Variants in ARPP21 observed in about 807,000 individuals in gnomAD.
The protein encoded by ARPP21 is cAMP regulated phosphoprotein 21.
Under a neutral mutation model 113.2 loss-of-function variants are expected in ARPP21, and 69 were observed. The ratio of observed to expected loss-of-function variants is 0.61; its 90% confidence interval spans 0.50 to 0.74. The LOEUF (loss-of-function observed/expected upper bound fraction) is 0.74, where lower values mean the gene tolerates loss of function less well. ARPP21 is among the 30% of genes least tolerant of loss of function. The pLI is 0.00. For missense variants in ARPP21, 1,070 were observed against 1,037.4 expected, an observed-to-expected ratio of 1.03 and a Z score of -0.43; for synonymous variants, 368 against 375.5, an observed-to-expected ratio of 0.98 and a Z score of 0.23.
intron 19 of ARPP21, among the ~76,000 whole-genome samples, chr3:35,770,949 C>A (rs947618076): frequency 1.3e-5 from 2 of 152,150 alleles, no homozygotes; most frequent in Non-Finnish European, 2.9e-5. Flanking sequence ...GGACAATACT[C>A]ATCAATATTG....
Position 35,687,860 on chromosome 3 carries a change from C to T in ARPP21, c.383C>T (p.Pro128Leu). The T allele has an allele frequency of 6.3e-7, 1 of 1,588,340 alleles. No homozygotes were observed. Among genetic ancestry groups the T allele is most frequent in the African/African-American group, 1.4e-5 (1 of 72,664 alleles). Residue 128 changes from proline (P) to leucine (L), a missense_variant, in exon 6 of 21, where the codon CCC (proline) becomes CTC (leucine). Physicochemically the swap from Pro to Leu is moderately conservative, Grantham distance 98. Transcript: ENST00000684406. ...AACAAAGATAAAACCTCTGAAAAAC[C>T]CAAGATCAGAATGTTATCAAAAGGT... ...DKNKDKTSEK[P>L]KIRMLSKDCS...
chr3:35,782,329 C>T (rs867484534), intron 19 of ARPP21, among the ~76,000 whole-genome samples: 7 of 152,194 alleles, frequency 4.6e-5, no homozygotes, highest in African/African-American at 1.7e-4. Flanking sequence ...CCAAGTCTTC[C>T]CTGGGTTATT....
chr3:35,687,978 C>A, intron 6 of ARPP21, 95 bp downstream of exon 6: 1 of 1,138,318 alleles, frequency 8.8e-7, no homozygotes, highest in Non-Finnish European at 1.3e-6. Context: ...CACCTCCCAC[C>A]AAACCCTGCA....
In ARPP21 at chr3:35,717,352, C is replaced by G. The variant is rs139185498; in HGVS notation, c.990C>G (p.Leu330=). The change falls in exon 13 of 21, where the codon CTC becomes CTG. Residue 330 remains leucine, a synonymous_variant. Transcript: ENST00000684406. The part of the protein sequence containing the change: ...ICNETYKKRQ[L]FRGNRDGSGR... ...ATGAGACCTATAAGAAAAGACAGCT[C>G]TTTCGGTTGGTATGGTTTACTTTCT... 2.4e-3 allele frequency: 3,874 copies of G among 1,597,296 alleles called. 21 individuals carry two copies. The highest frequency in any genetic ancestry group is 2.4e-3 in the Non-Finnish European group (2,758 of 1,165,198).
At chr3:35,791,066 G>A (rs1047738427) in intron 19 of ARPP21, among the ~76,000 whole-genome samples, 4 of 152,124 alleles carry the variant, frequency 2.6e-5, no homozygotes, top group Non-Finnish European at 5.9e-5. Context: ...CTAATTCAGT[G>A]ACTATTTGCA....
Position 35,713,418 on chromosome 3 carries a change from GA to G in ARPP21, c.898-2020del, listed in dbSNP as rs572706305. ...TAAGGTATTTTTTTTTTATTTTTTT[GA>G]GACAAAGTCCCTGTCACCTAGGTTG... is the stretch of plus-strand genomic sequence containing the variant. On this transcript the variant is annotated intron_variant, in intron 11 of 20. Transcript: ENST00000684406. 8.0e-5 allele frequency among the ~76,000 whole-genome samples: 12 copies of G among 150,420 alleles called. No individual in the cohort carries two copies. The South Asian group carries it at 2.5e-3, about 32-fold the overall frequency.
At chr3:35,655,260 T>A (rs1053404613) in intron 1 of ARPP21, among the ~76,000 whole-genome samples, 1 of 151,976 alleles carries the variant, frequency 6.6e-6, no homozygotes, top group East Asian at 1.9e-4. Context: ...GATATCTACA[T>A]TTATATATGT....
chr3:35,706,942 T>C (rs1559687549), intron 9 of ARPP21, 32 bp from the exon 10 acceptor site: 1 of 1,554,986 alleles, frequency 6.4e-7, no homozygotes, highest in Admixed American at 1.9e-5. Flanking sequence ...GGGGAAAAAC[T>C]TTTTTATTGA....
At chr3:35,762,116 TCTCTCTCTCTCACACACA>T (rs1412593799) in intron 19 of ARPP21, among the ~76,000 whole-genome samples, 3 of 145,822 alleles carry the variant, frequency 2.1e-5, no homozygotes, top group African/African-American at 7.8e-5. Flanking sequence ...TCTCTCTCTC[TCTCTCTCTCTCACACACA>T]CACACACACA....
chr3:35,774,803 G>T (rs1240954864), intron 19 of ARPP21: 1 of 152,144 alleles, frequency 6.6e-6, no homozygotes, highest in Non-Finnish European at 1.5e-5. Flanking sequence ...TTTGTATGTG[G>T]CTAGGTACAG....
intron 1 of ARPP21, chr3:35,641,514 T>G (rs919820939): frequency 2.8e-5 from 2 of 70,526 alleles, no homozygotes; most frequent in Non-Finnish European, 5.9e-5. Flanking sequence ...GGCTTAAATA[T>G]CTTAAGATTT....
chr3:35,774,847 A>G (rs2096307904), intron 19 of ARPP21: 1 of 152,158 alleles, frequency 6.6e-6, no homozygotes. Flanking sequence ...CTTTTATCAA[A>G]TCTTTGATGT....
chr3:35,699,297 GCAGGAGAAT>G (rs1428933336), intron 9 of ARPP21, among the ~76,000 whole-genome samples: 2 of 151,580 alleles, frequency 1.3e-5, no homozygotes, highest in Non-Finnish European at 3.0e-5. Context: ...CTTGCTATAG[GCAGGAGAAT>G]TATGCCCAGT....
At chr3:35,748,105 A>AGAAAGAAG in intron 19 of ARPP21, among the ~76,000 whole-genome samples, 2 of 136,658 alleles carry the variant, frequency 1.5e-5, no homozygotes. Context: ...AAAGAAAGAA[A>AGAAAGAAG]GAAAGAAGAA....
At chr3:35,696,287 A>G (rs1197857955) in intron 9 of ARPP21, among the ~76,000 whole-genome samples, 1 of 151,604 alleles carries the variant, frequency 6.6e-6, no homozygotes, top group Non-Finnish European at 1.5e-5. Context: ...TCATTTGGGA[A>G]ACAGTTCAAG....
chr3:35,667,978 GA>G (rs1439392474), intron 1 of ARPP21, among the ~76,000 whole-genome samples: 1 of 139,876 alleles, frequency 7.1e-6, no homozygotes, highest in African/African-American at 2.7e-5. Context: ...AGAAGAAGAA[GA>G]AGAAGAAGAA....
chr3:35,789,792 A>G (rs1031215860), intron 19 of ARPP21, among the ~76,000 whole-genome samples: 1 of 152,104 alleles, frequency 6.6e-6, no homozygotes. Flanking sequence ...CTTCTTAAAT[A>G]TTATTTAATA....
At chr3:35,779,151 T>G (rs2096462681) in intron 19 of ARPP21, among the ~76,000 whole-genome samples, 1 of 152,160 alleles carries the variant, frequency 6.6e-6, no homozygotes, top group Non-Finnish European at 1.5e-5. Context: ...TGGTAGATAC[T>G]GGGGGCAAAT....
At chr3:35,758,764 T>C (rs2095660052) in intron 19 of ARPP21, among the ~76,000 whole-genome samples, 2 of 152,000 alleles carry the variant, frequency 1.3e-5, no homozygotes, top group African/African-American at 4.8e-5. Context: ...ATGAAACCAG[T>C]TCAGCTGTGG....
Sources: allele counts gnomAD v4.1 joint callset (sites outside exome capture counted in the v4.1 genomes callset), GRCh38; gene constraint gnomAD v4.1.1; transcripts MANE v1.5; gene names NCBI Gene and HGNC (gene_info 2026-07-23, HGNC 2026-07-21).